Variants in PRELID2 observed in about 807,000 individuals in gnomAD.
PRELID2 encodes PRELI domain containing 2.
Under a neutral mutation model 28.4 loss-of-function variants are expected in PRELID2, and 25 were observed. That is an observed-to-expected ratio of 0.88 (90% CI 0.64 to 1.23). The LOEUF (loss-of-function observed/expected upper bound fraction) is 1.23. PRELID2 is among the 50% of genes most tolerant of loss of function. PRELID2 has a pLI of 0.00. For synonymous variants in PRELID2, 76 were observed against 71.6 expected, an observed-to-expected ratio of 1.06 and a Z score of -0.31; for missense variants, 201 against 214.4, an observed-to-expected ratio of 0.94 and a Z score of 0.39.
chr5:145,391,290 A>T, the PRELID2 span, among the ~76,000 whole-genome samples: 1 of 152,232 alleles, frequency 6.6e-6, no homozygotes, highest in Non-Finnish European at 1.5e-5. Flanking sequence ...CCAAACCTCA[A>T]TTCTTGACTT....
chr5:145,375,072 G>A, the PRELID2 span, among the ~76,000 whole-genome samples: 10 of 152,042 alleles, frequency 6.6e-5, 1 homozygote, highest in South Asian at 4.1e-4. Context: ...CTGGCCTTTC[G>A]GGTTTTCAGC....
intron 1 of PRELID2, among the ~76,000 whole-genome samples, chr5:145,516,269 A>G (rs1752516245): frequency 6.6e-6 from 1 of 152,234 alleles, no homozygotes; most frequent in Non-Finnish European, 1.5e-5. Context: ...AATCTCCTCA[A>G]GCTGATAAGC....
chr5:145,538,759 C>A (rs1047386525), intron 1 of PRELID2, among the ~76,000 whole-genome samples: 3 of 151,910 alleles, frequency 2.0e-5, no homozygotes, highest in Admixed American at 2.0e-4. Flanking sequence ...TGCTCAGTGG[C>A]ATCCAAAGAC....
the PRELID2 span, among the ~76,000 whole-genome samples, chr5:145,317,659 G>T: frequency 6.6e-6 from 1 of 152,198 alleles, no homozygotes; most frequent in Non-Finnish European, 1.5e-5. Flanking sequence ...TGTGTCATGA[G>T]TATCTTCCCC....
the PRELID2 span, among the ~76,000 whole-genome samples, chr5:145,456,181 T>G: frequency 6.6e-6 from 1 of 152,196 alleles, no homozygotes; most frequent in Non-Finnish European, 1.5e-5. Flanking sequence ...ACTATGTAAC[T>G]AGGCATACTG....
the PRELID2 span, among the ~76,000 whole-genome samples, chr5:145,244,413 C>G: frequency 1.3e-5 from 2 of 151,978 alleles, no homozygotes; most frequent in African/African-American, 4.8e-5. Flanking sequence ...GGCAGGTGCT[C>G]CTCGAACATC....
chr5:145,360,368 G>C, the PRELID2 span, among the ~76,000 whole-genome samples: 1 of 152,066 alleles, frequency 6.6e-6, no homozygotes, highest in East Asian at 1.9e-4. Flanking sequence ...CAGTAAGGAG[G>C]CAGGAGTGTA....
chr5:145,485,672 C>T (rs1165631562), intron 1 of PRELID2, among the ~76,000 whole-genome samples: 1 of 152,164 alleles, frequency 6.6e-6, no homozygotes, highest in African/African-American at 2.4e-5. Context: ...CCATTCCACT[C>T]CCACCAACGT....
chr5:145,348,124 A>T, the PRELID2 span, among the ~76,000 whole-genome samples: 1 of 152,196 alleles, frequency 6.6e-6, no homozygotes, highest in South Asian at 2.1e-4. Flanking sequence ...TCAGTTAAAG[A>T]CATCAGAAAA....
chr5:145,408,866 G>T, the PRELID2 span, among the ~76,000 whole-genome samples: 1 of 152,058 alleles, frequency 6.6e-6, no homozygotes, highest in East Asian at 1.9e-4. Flanking sequence ...GAAGCTCAAA[G>T]AACACCTCAA....
the PRELID2 span, among the ~76,000 whole-genome samples, chr5:145,357,751 G>C: frequency 6.6e-6 from 1 of 151,828 alleles, no homozygotes; most frequent in South Asian, 2.1e-4. Flanking sequence ...TGACATTTCG[G>C]CCATTTTATC....
At chr5:145,739,340 C>G (rs1756584847) in intron 1 of PRELID2, among the ~76,000 whole-genome samples, 1 of 152,058 alleles carries the variant, frequency 6.6e-6, no homozygotes, top group Admixed American at 6.6e-5. Context: ...CTCATCTCTA[C>G]TAAAAATACA....
rs115379942 is a variant in PRELID2, at chr5:145,805,168, T to C, written c.369-8621A>G. Among the ~76,000 whole-genome samples the C allele has an allele frequency of 4.7e-3, 716 of 152,328 alleles. 7 individuals carry two copies. The highest frequency in any genetic ancestry group is 0.014 in the African/African-American group (600 of 41,582). ...AAGAGCAGAAAATGCAATATAGTTT[T>C]GACACTAATCATACTTACTGAAGTC... is the stretch of plus-strand genomic sequence containing the variant. On this transcript the variant is annotated intron_variant, in intron 4 of 6. Transcript: ENST00000683046.
At chr5:145,454,262 T>C in the PRELID2 span, among the ~76,000 whole-genome samples, 12 of 152,256 alleles carry the variant, frequency 7.9e-5, no homozygotes, top group East Asian at 1.9e-4. Context: ...ATAAATTAGG[T>C]ATTGATGGGA....
chr5:145,835,283 A>G lies in PRELID2; in HGVS notation c.-32T>C, dbSNP rs775717387. ...GCGCCGCGGGCCCCGCGCACCGGCC[A>G]CGCCTCCGCGAGCTCAGAGCTGCCC... is the stretch of plus-strand genomic sequence containing the variant. On this transcript the variant is annotated 5_prime_UTR_variant, in exon 1 of 7. Coordinates refer to ENST00000683046, the MANE Select transcript of PRELID2 (RefSeq NM_205846.3). The G allele has an allele frequency of 3.4e-6, 5 of 1,491,832 alleles. No individual in the cohort carries two copies. The African/African-American group carries it at 4.2e-5, about 13-fold the overall frequency. The allele number at this position is 1,491,832 out of a possible 1,614,324, so 92.4% of individuals were successfully genotyped here. A position where few individuals can be genotyped will look rare whatever the true frequency, so the allele number is the denominator to read the frequency against.
At chr5:145,231,280 TG>T in the PRELID2 span, among the ~76,000 whole-genome samples, 1 of 152,102 alleles carries the variant, frequency 6.6e-6, no homozygotes, top group Admixed American at 6.6e-5. Flanking sequence ...CCACAGGTTT[TG>T]GGGGAACAGG....
At chr5:145,431,511 C>T in the PRELID2 span, among the ~76,000 whole-genome samples, 1 of 152,220 alleles carries the variant, frequency 6.6e-6, no homozygotes, top group Non-Finnish European at 1.5e-5. Flanking sequence ...ACTGACAACA[C>T]CTTAATCATG....
chr5:145,332,515 T>C, the PRELID2 span, among the ~76,000 whole-genome samples: 1 of 152,110 alleles, frequency 6.6e-6, no homozygotes, highest in South Asian at 2.1e-4. Flanking sequence ...TTTCATTAAG[T>C]TGATCTTCAA....
At chr5:145,580,013 T>C (rs188337275) in intron 1 of PRELID2, among the ~76,000 whole-genome samples, 3 of 152,206 alleles carry the variant, frequency 2.0e-5, no homozygotes, top group Admixed American at 6.6e-5. Context: ...CAAATAACTT[T>C]CCAAATAAGA....
Sources: gnomAD v4.1 joint callset for allele counts (sites outside exome capture counted in the v4.1 genomes callset) on GRCh38, gnomAD v4.1.1 for gene constraint, MANE v1.5 for transcripts, NCBI Gene and HGNC (gene_info 2026-07-23, HGNC 2026-07-21) for gene names.